The following CHD4 variants were observed in gnomAD, a reference collection of about 807,000 sequenced individuals.
CHD4 encodes the protein ATP-dependent chromatin remodeler CHD4.
A neutral mutation model predicts 235.5 loss-of-function variants in CHD4; 35 were observed. That is an observed-to-expected ratio of 0.15 (90% CI 0.11 to 0.20). The LOEUF (loss-of-function observed/expected upper bound fraction) is 0.20, where lower values mean the gene tolerates loss of function less well. CHD4 is among the 10% of genes least tolerant of loss of function. CHD4 has a pLI of 1.00. For missense variants in CHD4, 1,329 were observed against 2,432.3 expected (o/e 0.55, Z 9.54); for synonymous variants, 900 against 850.2 (o/e 1.06, Z -1.02).
At chr12:6,592,254 G>A (rs1353248806) in intron 19 of CHD4, 139 bp downstream of exon 19, 6 of 1,284,084 alleles carry the variant, frequency 4.7e-6, no homozygotes, top group Non-Finnish European at 6.4e-6. Flanking sequence ...ATGCGCTCCA[G>A]CGCCCTAGCA....
intron 37 of CHD4, 82 bp from the exon 38 acceptor site, chr12:6,573,351 CATT>C: frequency 1.7e-6 from 2 of 1,180,654 alleles, no homozygotes; most frequent in Non-Finnish European, 2.3e-6. Context: ...GCTCACCTCT[CATT>C]GTTTCAGATG....
chr12:6,605,078 C>T (rs191500895), intron 2 of CHD4, among the ~76,000 whole-genome samples: 5 of 152,282 alleles, frequency 3.3e-5, no homozygotes, highest in Non-Finnish European at 5.9e-5. Flanking sequence ...TAACCCCTCT[C>T]CTAAATGGCC....
rs184383245 is a variant in CHD4 at position 6,576,674 on chromosome 12, C to T, written c.5361+1111G>A. 2.0e-4 allele frequency among the ~76,000 whole-genome samples: 30 copies of T among 152,130 alleles called. No individual in the cohort carries two copies. In the East Asian group the frequency reaches 5.1e-3, roughly 26 times the overall value. On this transcript the variant is annotated intron_variant, in intron 37 of 39. Transcript: ENST00000544040. ...AGACTGGAGTGCAGTGGTGCGATCT[C>T]GGCTCACTGCAACCTCCGCCTCCCG...
At position 6,601,041 on chromosome 12, in the gene CHD4, C is replaced by T. The variant is rs1285390883; in HGVS notation, c.812G>A (p.Arg271Gln). 1 of 1,576,374 alleles carries T rather than the reference C, an allele frequency of 6.3e-7. No homozygotes were observed. Among genetic ancestry groups the T allele is most frequent in the South Asian group, 1.2e-5 (1 of 85,354 alleles). ...ACGAGGGCTGCCCTTGGGCTTCCTC[C>T]GAGCATTGGGACCTAAAATCAGGAT... ...KTKEGKGPNA[R>Q]RKPKGSPRVP... The change falls in exon 7 of 40, where the codon CGG (arginine) becomes CAG (glutamine). Residue 271 changes from arginine (R) to glutamine (Q), a missense_variant. Coordinates refer to ENST00000544040, the MANE Select transcript of CHD4 (RefSeq NM_001273.5).
intron 35 of CHD4, 95 bp downstream of exon 35, chr12:6,578,313 AG>A: frequency 6.9e-7 from 1 of 1,457,838 alleles, no homozygotes; most frequent in South Asian, 1.2e-5. Flanking sequence ...CATCAAACAG[AG>A]GTAAAGAGGT....
chr12:6,573,267 G>C lies in CHD4; in HGVS notation c.5364C>G (p.Leu1788=). The part of the protein sequence containing the change: ...KNKFLARRFK[L]LEQALVIEEQ... ...CCTCAATCACCAGAGCTTGTTCTAA[G>C]AGCTGGACAAGGGATAAGAGGAAAC... The change falls in exon 38 of 40, where the codon CTC becomes CTG. Residue 1788 remains leucine (L), a splice_region_variant and synonymous_variant. Coordinates refer to ENST00000544040, the MANE Select transcript of CHD4 (RefSeq NM_001273.5). 2 of 1,560,710 alleles carry C rather than the reference G, an allele frequency of 1.3e-6. No homozygotes were observed. The highest frequency in any genetic ancestry group is 1.7e-6 in the Non-Finnish European group (2 of 1,160,382).
chr12:6,593,662 T>A lies in CHD4; in HGVS notation c.2314-46A>T. The A allele has an allele frequency of 1.3e-6, 2 of 1,577,378 alleles. No individual in the cohort carries two copies. Among genetic ancestry groups the A allele is most frequent in the Non-Finnish European group, 1.7e-6 (2 of 1,151,044 alleles). ...GTCAGGACTGAGGGCCCCAGCACAC[T>A]GCAACCCCAGCGAACACCCACCACC... On this transcript the variant is annotated intron_variant, in intron 15 of 39. Transcript: ENST00000544040. The surrounding 1 kb of genome is among the most constrained non-coding windows in gnomAD (Gnocchi z 4.9).
At chr12:6,573,784 G>C (rs190683812) in intron 37 of CHD4, among the ~76,000 whole-genome samples, 3 of 152,250 alleles carry the variant, frequency 2.0e-5, no homozygotes, top group African/African-American at 7.2e-5. Context: ...AGCACTTTGG[G>C]AGGCTGAGGC....
At chr12:6,577,652 C>T in intron 37 of CHD4, 133 bp downstream of exon 37, 1 of 1,229,422 alleles carries the variant, frequency 8.1e-7, no homozygotes, top group Non-Finnish European at 1.1e-6. Context: ...GTGTAAGTTA[C>T]TTGGGAGCAA....
chr12:6,601,677 G>A lies in CHD4; in HGVS notation c.528C>T (p.Thr176=). The A allele has an allele frequency of 6.2e-7, 1 of 1,614,154 alleles. No individual in the cohort carries two copies. The highest frequency in any genetic ancestry group is 8.5e-7 in the Non-Finnish European group (1 of 1,180,018). The change falls in exon 5 of 40, where the codon ACC becomes ACT. Residue 176 remains threonine (T), a synonymous_variant. Coordinates refer to ENST00000544040, the MANE Select transcript of CHD4 (RefSeq NM_001273.5). ...CAAACTGGCTGAAGGCCTTGTAGTT[G>A]GTGAGGGTTCGATAATCCTCCTCTG... The part of the protein sequence containing the change: ...VFSEEDYRTL[T]NYKAFSQFVR...
intron 30 of CHD4, 81 bp from the exon 31 acceptor site, chr12:6,581,895 C>T (rs910591906): frequency 4.9e-5 from 71 of 1,447,282 alleles, no homozygotes; most frequent in African/African-American, 3.0e-4. Context: ...CTCCGCCTCC[C>T]GGGTTCAAGC....
intron 22 of CHD4, among the ~76,000 whole-genome samples, chr12:6,590,604 A>G (rs1223411475): frequency 2.0e-5 from 3 of 152,084 alleles, no homozygotes; most frequent in Admixed American, 2.0e-4. Flanking sequence ...GGATTGCTTG[A>G]GCCCAGAACT....
At chr12:6,595,548 G>C in intron 13 of CHD4, 118 bp from the exon 14 acceptor site, 3 of 813,738 alleles carry the variant, frequency 3.7e-6, no homozygotes, top group Non-Finnish European at 6.0e-6. Flanking sequence ...AGCACTTTGG[G>C]AGGCTGAGAC....
intron 35 of CHD4, 53 bp downstream of exon 35, chr12:6,578,356 C>T (rs1440859581): frequency 6.3e-7 from 1 of 1,588,390 alleles, no homozygotes; most frequent in East Asian, 2.2e-5. Context: ...CTGACAAGAA[C>T]CCCAATTTCA....
chr12:6,570,533 A>C lies in CHD4; in HGVS notation c.*143T>G. Reference sequence around the variant, plus strand: ...TGCCCCTCACTCCCTCCCCTCCCCCAGTGCACTGGGGCTGTTCCTTTACAA... The same window carrying C: ...TGCCCCTCACTCCCTCCCCTCCCCCCGTGCACTGGGGCTGTTCCTTTACAA... On this transcript the variant is annotated 3_prime_UTR_variant, in exon 40 of 40. Transcript: ENST00000544040. The C allele has an allele frequency of 8.3e-5, 73 of 881,036 alleles. No homozygotes were observed. The highest frequency in any genetic ancestry group is 9.8e-5 in the Non-Finnish European group (55 of 562,110). The allele number at this position is 881,036 out of a possible 1,614,324, so 54.6% of individuals were successfully genotyped here.
chr12:6,601,949 G>C lies in CHD4; in HGVS notation c.438+11C>G, dbSNP rs1370798789. 4 of 1,607,172 alleles carry C rather than the reference G, an allele frequency of 2.5e-6. No homozygotes were observed. Among genetic ancestry groups the C allele is most frequent in the Non-Finnish European group, 3.4e-6 (4 of 1,179,900 alleles). ...TTAACAGTACAAAGAAGAGGATGGAGGTCCAGGCACCTTTGAATCATCATC... is the reference window on the plus strand; with the variant it reads ...TTAACAGTACAAAGAAGAGGATGGACGTCCAGGCACCTTTGAATCATCATC... On this transcript the variant is annotated intron_variant, in intron 4 of 39. Coordinates refer to ENST00000544040, the MANE Select transcript of CHD4 (RefSeq NM_001273.5).
Position 6,591,739 on chromosome 12 carries a change from G to C in CHD4, c.3177C>G (p.Leu1059=), listed in dbSNP as rs777161709. 5.7e-5 allele frequency: 92 copies of C among 1,614,076 alleles called. 1 individual carries two copies. In the South Asian group the frequency reaches 9.4e-4, roughly 17 times the overall value. ...SGKLLLLQKM[L]KNLKEGGHRV... ...GATGCCCACCCTCCTTAAGGTTCTT[G>C]AGCATTTTCTGCAGCAGCAATAATT... Residue 1059 remains leucine, a synonymous_variant, in exon 21 of 40, where the codon CTC becomes CTG. Transcript: ENST00000544040.
In CHD4 at chr12:6,591,690, A is replaced by G. The variant is rs889782492; in HGVS notation, c.3222+4T>C. Reference sequence around the variant, plus strand: ...TTCCCTAAAGCTCCCAGTCCACATGATACCTGGGAAAAGATGAGTACACGA... The same window carrying G: ...TTCCCTAAAGCTCCCAGTCCACATGGTACCTGGGAAAAGATGAGTACACGA... On this transcript the variant is annotated splice_donor_region_variant and intron_variant, in intron 21 of 39. Coordinates refer to ENST00000544040, the MANE Select transcript of CHD4 (RefSeq NM_001273.5). 2.5e-6 allele frequency: 4 copies of G among 1,614,176 alleles called. No individual in the cohort carries two copies. The highest frequency in any genetic ancestry group is 3.3e-4 in the Middle Eastern group (2 of 6,062).
intron 10 of CHD4, 22 bp downstream of exon 10, chr12:6,599,751 C>A (rs780400167): frequency 1.8e-5 from 29 of 1,609,524 alleles, no homozygotes; most frequent in Non-Finnish European, 2.2e-5. Flanking sequence ...ATTTTTTGCC[C>A]CGGCTGAGAT....
Sources: gnomAD v4.1 joint callset for allele counts (sites outside exome capture counted in the v4.1 genomes callset) on GRCh38, gnomAD v4.1.1 for gene constraint, Gnocchi (gnomAD v3.1) non-coding constraint, MANE v1.5 for transcripts, NCBI Gene and HGNC (gene_info 2026-07-23, HGNC 2026-07-21) for gene names.